MAF: variants seen among roughly 807,000 people sequenced by gnomAD.
MAF encodes the protein transcription factor Maf.
MAF carries 10 observed loss-of-function variants against 22.0 expected under a neutral mutation model. That is an observed-to-expected ratio of 0.45 (90% confidence interval 0.28 to 0.77). MAF has a LOEUF of 0.77. Ranked by LOEUF, MAF falls within the 30% of genes least tolerant of loss-of-function variation. The pLI is 0.12. For synonymous variants in MAF, 337 were observed against 255.8 expected, an observed-to-expected ratio of 1.32 and a Z score of -3.03; for missense variants, 544 against 548.4, an observed-to-expected ratio of 0.99 and a Z score of 0.08.
At chr16:79,507,360 C>T in the MAF span, among the ~76,000 whole-genome samples, 5,710 of 151,720 alleles carry the variant, frequency 0.038, 383 homozygotes, top group African/African-American at 0.13. Context: ...TTGTGATCCG[C>T]CTGCCTTGGC....
At chr16:79,328,286 T>C in the MAF span, among the ~76,000 whole-genome samples, 23 of 151,992 alleles carry the variant, frequency 1.5e-4, no homozygotes, top group South Asian at 4.8e-3. Context: ...AGCTCCTTTT[T>C]TTTTAAAAAA....
At chr16:79,272,784 G>C in the MAF span, among the ~76,000 whole-genome samples, 1 of 151,974 alleles carries the variant, frequency 6.6e-6, no homozygotes, top group Non-Finnish European at 1.5e-5. Context: ...ATTCGGTAAC[G>C]AGAGGAGCAC....
At chr16:79,480,246 C>G in the MAF span, among the ~76,000 whole-genome samples, 1 of 152,076 alleles carries the variant, frequency 6.6e-6, no homozygotes, top group Non-Finnish European at 1.5e-5. Context: ...TCAAATTCCC[C>G]AATTAGTAAC....
chr16:79,408,634 T>C, the MAF span, among the ~76,000 whole-genome samples: 2 of 151,872 alleles, frequency 1.3e-5, no homozygotes, highest in Non-Finnish European at 2.9e-5. Context: ...CTTTTTCTCA[T>C]TCTTCCATCC....
chr16:79,504,875 C>A, the MAF span, among the ~76,000 whole-genome samples: 5,857 of 152,160 alleles, frequency 0.038, 355 homozygotes, highest in African/African-American at 0.13. Context: ...TGTATGAATG[C>A]CTTGTACGAA....
chr16:79,267,030 T>C, the MAF span, among the ~76,000 whole-genome samples: 2 of 152,242 alleles, frequency 1.3e-5, no homozygotes, highest in African/African-American at 4.8e-5. Context: ...TATTTACTAG[T>C]CTGTCTCCAC....
At chr16:79,257,141 C>G in the MAF span, among the ~76,000 whole-genome samples, 4 of 152,040 alleles carry the variant, frequency 2.6e-5, no homozygotes, top group African/African-American at 9.7e-5. Context: ...CATGCCACTG[C>G]ACTCCAGCCT....
the MAF span, among the ~76,000 whole-genome samples, chr16:79,268,624 AT>A: frequency 6.6e-6 from 1 of 152,246 alleles, no homozygotes; most frequent in Non-Finnish European, 1.5e-5. Context: ...AAACAATGGC[AT>A]TTCTCAGCTA....
chr16:79,570,344 G>A, the MAF span, among the ~76,000 whole-genome samples: 2 of 150,894 alleles, frequency 1.3e-5, no homozygotes, highest in Non-Finnish European at 3.0e-5. Context: ...CTTCTCCCCA[G>A]TCTTTCAGAT....
the MAF span, among the ~76,000 whole-genome samples, chr16:79,577,486 T>A: frequency 2.6e-5 from 4 of 152,166 alleles, no homozygotes; most frequent in African/African-American, 9.7e-5. Flanking sequence ...CTATTCATTG[T>A]TACAGGTCAA....
At chr16:79,520,135 C>T in the MAF span, among the ~76,000 whole-genome samples, 19 of 152,212 alleles carry the variant, frequency 1.2e-4, no homozygotes, top group Non-Finnish European at 7.3e-5. Context: ...ATTCAGCAGG[C>T]GCCTGCTAAC....
the MAF span, among the ~76,000 whole-genome samples, chr16:79,270,153 A>C: frequency 6.6e-6 from 1 of 152,134 alleles, no homozygotes; most frequent in Non-Finnish European, 1.5e-5. Context: ...GCTTTGGGAC[A>C]GAAGAGACAA....
At chr16:79,438,690 C>T in the MAF span, among the ~76,000 whole-genome samples, 5 of 152,172 alleles carry the variant, frequency 3.3e-5, no homozygotes, top group Non-Finnish European at 4.4e-5. Flanking sequence ...CAGAGTCTGC[C>T]TTCTCTTGGC....
the MAF span, among the ~76,000 whole-genome samples, chr16:79,568,331 C>G: frequency 6.6e-6 from 1 of 152,148 alleles, no homozygotes; most frequent in Non-Finnish European, 1.5e-5. Context: ...GACCCACAGG[C>G]TTATTAAGAG....
At chr16:79,256,605 G>A in the MAF span, among the ~76,000 whole-genome samples, 50 of 152,200 alleles carry the variant, frequency 3.3e-4, no homozygotes, top group African/African-American at 1.2e-3. Context: ...CCCAGCATGA[G>A]GTTTTAACCA....
chr16:79,357,294 CAACAA>C, the MAF span, among the ~76,000 whole-genome samples: 1 of 138,484 alleles, frequency 7.2e-6, no homozygotes, highest in South Asian at 2.4e-4. Flanking sequence ...ACAACAACAA[CAACAA>C]TTAGCTGGCC....
chr16:79,249,305 G>C, the MAF span, among the ~76,000 whole-genome samples: 5 of 151,990 alleles, frequency 3.3e-5, no homozygotes, highest in African/African-American at 7.2e-5. Flanking sequence ...TGTTATCCCA[G>C]CTACTTGGGA....
chr16:79,557,754 T>A, the MAF span, among the ~76,000 whole-genome samples: 2 of 152,120 alleles, frequency 1.3e-5, no homozygotes, highest in South Asian at 4.1e-4. Flanking sequence ...AACTCATATG[T>A]GTTAAGTGCC....
chr16:79,239,076 G>C, the MAF span, among the ~76,000 whole-genome samples: 1 of 152,044 alleles, frequency 6.6e-6, no homozygotes, highest in Non-Finnish European at 1.5e-5. Flanking sequence ...GTTGTAGTTT[G>C]CAGCTCTGGC....
Sources: allele counts gnomAD v4.1 joint callset (sites outside exome capture counted in the v4.1 genomes callset), GRCh38; gene constraint gnomAD v4.1.1; transcripts MANE v1.5; gene names NCBI Gene and HGNC (gene_info 2026-07-23, HGNC 2026-07-21).